The following PTN variants were observed in gnomAD, a reference collection of about 807,000 sequenced individuals.
PTN encodes heparin affin regulatory protein.
In PTN, 18 loss-of-function variants were observed where a neutral mutation model predicts 24.1. The ratio of observed to expected loss-of-function variants is 0.75; its 90% CI spans 0.52 to 1.11. PTN has a LOEUF of 1.11. Among genes scored for constraint, PTN ranks in the 50% least tolerant of loss-of-function variants. The probability of loss-of-function intolerance (pLI) is 0.00; values close to 1 mark genes in which losing one functional copy is unlikely to be tolerated. For missense variants in PTN, 163 were observed against 198.8 expected (o/e 0.82, Z 1.08); for synonymous variants, 78 against 68.6 (o/e 1.14, Z -0.67).
chr7:137,277,748 T>G (rs376895605), intron 1 of PTN, among the ~76,000 whole-genome samples: 17 of 152,080 alleles, frequency 1.1e-4, no homozygotes, highest in African/African-American at 3.4e-4. Flanking sequence ...TTTTCTATTT[T>G]TCATATAGAT....
intron 4 of PTN, among the ~76,000 whole-genome samples, chr7:137,235,042 G>A (rs1808495816): frequency 6.6e-6 from 1 of 152,006 alleles, no homozygotes; most frequent in African/African-American, 2.4e-5. Flanking sequence ...GGTCAAGAGA[G>A]ACAGCTGAAA....
chr7:137,338,171 A>C (rs1376101286), intron 1 of PTN, among the ~76,000 whole-genome samples: 1 of 152,086 alleles, frequency 6.6e-6, no homozygotes, highest in Non-Finnish European at 1.5e-5. Flanking sequence ...TCAAGATTTC[A>C]CCCAAATTCC....
intron 1 of PTN, among the ~76,000 whole-genome samples, chr7:137,331,544 G>T (rs1810358643): frequency 6.6e-6 from 1 of 152,176 alleles, no homozygotes; most frequent in Non-Finnish European, 1.5e-5. Context: ...CGAGCCAGTT[G>T]TTCACTCGTC....
At chr7:137,336,294 A>C (rs1251798145) in intron 1 of PTN, among the ~76,000 whole-genome samples, 3 of 152,178 alleles carry the variant, frequency 2.0e-5, no homozygotes, top group African/African-American at 7.2e-5. Flanking sequence ...CCAGCAGCCC[A>C]TACCAAACAA....
At chr7:137,284,106 T>A (rs911261800) in intron 1 of PTN, among the ~76,000 whole-genome samples, 16 of 151,488 alleles carry the variant, frequency 1.1e-4, no homozygotes, top group African/African-American at 3.9e-4. Context: ...TAGCTGGGAC[T>A]ACAGAAGCCC....
chr7:137,300,650 A>G (rs1809791565), intron 1 of PTN, among the ~76,000 whole-genome samples: 1 of 151,922 alleles, frequency 6.6e-6, no homozygotes, highest in Non-Finnish European at 1.5e-5. Flanking sequence ...GGTGCTTGGA[A>G]CTGGCAGACT....
At chr7:137,308,908 C>G (rs1328769771) in intron 1 of PTN, among the ~76,000 whole-genome samples, 1 of 152,184 alleles carries the variant, frequency 6.6e-6, no homozygotes. Flanking sequence ...ATTAAGTTAC[C>G]TCTAAACCTA....
chr7:137,274,363 G>A (rs971944301), intron 1 of PTN, among the ~76,000 whole-genome samples: 1 of 152,094 alleles, frequency 6.6e-6, no homozygotes. Flanking sequence ...ACACAGAACA[G>A]TATTTTTTTT....
At chr7:137,312,643 C>T (rs1335840140) in intron 1 of PTN, among the ~76,000 whole-genome samples, 1 of 152,006 alleles carries the variant, frequency 6.6e-6, no homozygotes, top group African/African-American at 2.4e-5. Flanking sequence ...AGCTATTAAC[C>T]ACTGGAGAGA....
chr7:137,324,042 T>C (rs1810209172), intron 1 of PTN, among the ~76,000 whole-genome samples: 7 of 152,096 alleles, frequency 4.6e-5, no homozygotes, highest in Admixed American at 4.6e-4. Flanking sequence ...ATTCAGGTGA[T>C]TTAATACAAA....
At chr7:137,316,294 A>G (rs1017511473) in intron 1 of PTN, among the ~76,000 whole-genome samples, 6 of 152,168 alleles carry the variant, frequency 3.9e-5, no homozygotes, top group African/African-American at 1.4e-4. Flanking sequence ...CCTCAGCTCC[A>G]TTCTCAGTCT....
At chr7:137,341,260 C>T (rs1256732582) in intron 1 of PTN, among the ~76,000 whole-genome samples, 2 of 152,110 alleles carry the variant, frequency 1.3e-5, no homozygotes, top group Non-Finnish European at 2.9e-5. Context: ...TTTTCAACAA[C>T]TAGGCTTTTA....
chr7:137,300,243 A>C (rs968403062), intron 1 of PTN, among the ~76,000 whole-genome samples: 6 of 152,004 alleles, frequency 3.9e-5, no homozygotes, highest in African/African-American at 1.4e-4. Context: ...TTAGGGCCTA[A>C]GGTACAGGTG....
chr7:137,236,709 C>A (rs958803002), intron 4 of PTN, among the ~76,000 whole-genome samples: 4 of 151,950 alleles, frequency 2.6e-5, no homozygotes, highest in Non-Finnish European at 4.4e-5. Flanking sequence ...CTTATTTCTG[C>A]AATAATGAGG....
At chr7:137,255,160 T>C (rs574279065) in intron 1 of PTN, among the ~76,000 whole-genome samples, 186 bp from the exon 2 acceptor site, 3 of 152,364 alleles carry the variant, frequency 2.0e-5, no homozygotes, top group East Asian at 3.9e-4. Flanking sequence ...ATAAGTGCTC[T>C]TCTGCAATCA....
At chr7:137,307,470 G>T (rs1204953162) in intron 1 of PTN, among the ~76,000 whole-genome samples, 1 of 152,028 alleles carries the variant, frequency 6.6e-6, no homozygotes, top group Non-Finnish European at 1.5e-5. Context: ...CCTCTAGTTG[G>T]ATGAAGAGCT....
At chr7:137,302,900 T>C (rs1809829459) in intron 1 of PTN, among the ~76,000 whole-genome samples, 1 of 152,122 alleles carries the variant, frequency 6.6e-6, no homozygotes, top group Non-Finnish European at 1.5e-5. Flanking sequence ...GTAAACTGTA[T>C]GCAATTTAGT....
At chr7:137,257,829 C>A (rs543903081) in intron 1 of PTN, among the ~76,000 whole-genome samples, 6 of 152,274 alleles carry the variant, frequency 3.9e-5, no homozygotes, top group African/African-American at 1.2e-4. Context: ...CTTGAGAGAA[C>A]TTTCTGCCCA....
At chr7:137,324,433 A>AAAAAAAAAAAAAATATATAT in intron 1 of PTN, among the ~76,000 whole-genome samples, 11 of 88,762 alleles carry the variant, frequency 1.2e-4, no homozygotes, top group African/African-American at 6.2e-4. Context: ...AAAAAAAAAA[A>AAAAAAAAAAAAAATATATAT]ATATATATAT....
Sources: allele counts gnomAD v4.1 joint callset (sites outside exome capture counted in the v4.1 genomes callset), GRCh38; gene constraint gnomAD v4.1.1; transcripts MANE v1.5; gene names NCBI Gene and HGNC (gene_info 2026-07-23, HGNC 2026-07-21).